ALDH8A1: variants seen among roughly 807,000 people sequenced by gnomAD.
ALDH8A1 encodes the protein 2-aminomuconic semialdehyde dehydrogenase.
ALDH8A1 carries 39 observed loss-of-function variants against 43.3 expected under a neutral mutation model. That is an observed-to-expected ratio of 0.90 (90% confidence interval 0.70 to 1.18). ALDH8A1 has a LOEUF of 1.18. Ranked by LOEUF, ALDH8A1 falls within the 50% of genes most tolerant of loss-of-function variation. The pLI is 0.00. For missense variants in ALDH8A1, 605 were observed against 622.6 expected (o/e 0.97, Z 0.30); for synonymous variants, 233 against 243.5 (o/e 0.96, Z 0.40).
chr6:134,932,636 G>T, intron 5 of ALDH8A1, 140 bp downstream of exon 5: 1 of 1,212,686 alleles, frequency 8.2e-7, no homozygotes, highest in Non-Finnish European at 1.1e-6. Context: ...AGAGTTAAGG[G>T]AATCACACAA....
intron 6 of ALDH8A1, among the ~76,000 whole-genome samples, chr6:134,926,124 A>G (rs1311093754): frequency 6.6e-6 from 1 of 152,122 alleles, no homozygotes; most frequent in Non-Finnish European, 1.5e-5. Context: ...ACCAGTGATG[A>G]AATAATTATG....
chr6:134,929,283 T>C, intron 5 of ALDH8A1, 68 bp from the exon 6 acceptor site: 1 of 1,541,722 alleles, frequency 6.5e-7, no homozygotes, highest in East Asian at 2.3e-5. Context: ...CCCTGCACTT[T>C]TGAGTACCTG....
At chr6:134,941,609 C>T (rs111944555) in intron 3 of ALDH8A1, among the ~76,000 whole-genome samples, 20,877 of 151,976 alleles carry the variant, frequency 0.14, 2,068 homozygotes, top group East Asian at 0.25. Flanking sequence ...AGGCTGGTCT[C>T]GAACTCCTGA....
At chr6:134,943,681 G>A (rs1773900425) in intron 2 of ALDH8A1, 138 bp downstream of exon 2, 6 of 1,325,260 alleles carry the variant, frequency 4.5e-6, no homozygotes, top group Non-Finnish European at 6.1e-6. Context: ...CAGGCCTGGA[G>A]CAGGGGAGGG....
chr6:134,925,296 T>C (rs984126395), intron 6 of ALDH8A1, among the ~76,000 whole-genome samples: 1 of 152,238 alleles, frequency 6.6e-6, no homozygotes, highest in South Asian at 2.1e-4. Context: ...TGTATGTGTC[T>C]ATATGGCCCC....
intron 3 of ALDH8A1, 169 bp downstream of exon 3, chr6:134,942,240 G>T: frequency 1.1e-6 from 1 of 883,500 alleles, no homozygotes; most frequent in Non-Finnish European, 1.6e-6. Flanking sequence ...CAGGGAATTT[G>T]ACACAAAGAA....
chr6:134,927,329 A>C (rs186002267), intron 6 of ALDH8A1, among the ~76,000 whole-genome samples: 2 of 151,898 alleles, frequency 1.3e-5, no homozygotes, highest in African/African-American at 2.4e-5. Flanking sequence ...GAAGAAGAAG[A>C]AGCCTCCTGT....
chr6:134,940,896 A>G (rs1773840933), intron 3 of ALDH8A1, among the ~76,000 whole-genome samples: 1 of 152,226 alleles, frequency 6.6e-6, no homozygotes, highest in Non-Finnish European at 1.5e-5. Context: ...GCTTTCCACA[A>G]TGCCTTGAAA....
At chr6:134,937,711 A>G (rs1773770049) in intron 4 of ALDH8A1, among the ~76,000 whole-genome samples, 2 of 152,208 alleles carry the variant, frequency 1.3e-5, no homozygotes, top group African/African-American at 4.8e-5. Flanking sequence ...ACTCTGGGGA[A>G]CCTGCAGTCA....
intron 6 of ALDH8A1, among the ~76,000 whole-genome samples, chr6:134,927,103 G>C (rs1410547470): frequency 6.6e-6 from 1 of 152,208 alleles, no homozygotes; most frequent in Non-Finnish European, 1.5e-5. Context: ...CAGAAGGACA[G>C]GAGAGCAGGT....
At chr6:134,924,081 G>A (rs1196471095) in intron 6 of ALDH8A1, among the ~76,000 whole-genome samples, 2 of 152,212 alleles carry the variant, frequency 1.3e-5, no homozygotes, top group African/African-American at 4.8e-5. Flanking sequence ...CTCCCTGCAT[G>A]TCTTAGTCCA....
rs1776724409 is a variant in ALDH8A1, at chr6:134,917,574, C to T, written c.*841G>A. 6.6e-6 allele frequency: 1 copy of T among 152,138 alleles called. No homozygotes were observed. 9.4% of individuals were successfully genotyped at this position (152,138 alleles called of 1,614,324 possible). On this transcript the variant is annotated 3_prime_UTR_variant, in exon 7 of 7. Transcript: ENST00000265605. ...AGTAGTTATTTTGTTTTTCTTCATCCTTGTACAGATACATTTAGTAGAGCT... is the reference window on the plus strand; with the variant it reads ...AGTAGTTATTTTGTTTTTCTTCATCTTTGTACAGATACATTTAGTAGAGCT...
intron 6 of ALDH8A1, among the ~76,000 whole-genome samples, chr6:134,921,539 C>T (rs896061235): frequency 6.6e-6 from 1 of 152,246 alleles, no homozygotes; most frequent in East Asian, 1.9e-4. Context: ...ATCATACCTC[C>T]GTTTAGGAGC....
chr6:134,924,183 A>G (rs1329951276), intron 6 of ALDH8A1, among the ~76,000 whole-genome samples: 1 of 152,182 alleles, frequency 6.6e-6, no homozygotes, highest in African/African-American at 2.4e-5. Flanking sequence ...ATCTTCAGAA[A>G]CTCAGAGAAG....
intron 4 of ALDH8A1, among the ~76,000 whole-genome samples, chr6:134,935,265 T>C (rs1773711062): frequency 6.6e-6 from 1 of 152,228 alleles, no homozygotes; most frequent in Non-Finnish European, 1.5e-5. Flanking sequence ...GACTCATCAC[T>C]GCTATCCGTG....
chr6:134,918,522 GCTCCCT>G lies in ALDH8A1; in HGVS notation c.1351_1356del (p.Arg451_Glu452del). The G allele has an allele frequency of 6.2e-7, 1 of 1,614,214 alleles. No individual in the cohort carries two copies. Among genetic ancestry groups the G allele is most frequent in the East Asian group, 2.2e-5 (1 of 44,890 alleles). ...TTCATCCCCCCGAAAGGAAGGTTCAGCTCCCTGATGAGCCAGCAGTTGGTCCAGACC... is the reference window on the plus strand; with the variant it reads ...TTCATCCCCCCGAAAGGAAGGTTCAGGATGAGCCAGCAGTTGGTCCAGACC... On this transcript the variant is annotated inframe_deletion, in exon 7 of 7. Transcript: ENST00000265605.
intron 1 of ALDH8A1, among the ~76,000 whole-genome samples, chr6:134,947,753 G>T (rs1773977325): frequency 6.6e-6 from 1 of 151,750 alleles, no homozygotes; most frequent in South Asian, 2.1e-4. Flanking sequence ...AAAAAAGGCT[G>T]GTGAAGCTGC....
chr6:134,940,235 T>A (rs1773830179), intron 3 of ALDH8A1: 2 of 349,586 alleles, frequency 5.7e-6, no homozygotes, highest in Admixed American at 3.6e-5. Context: ...CAAAAAAAAA[T>A]AAAAAATAAA....
chr6:134,932,099 T>C (rs1483537367), intron 5 of ALDH8A1, among the ~76,000 whole-genome samples: 1 of 152,222 alleles, frequency 6.6e-6, no homozygotes, highest in Admixed American at 6.5e-5. Flanking sequence ...TGGGCAGTAT[T>C]CTAAGCATTG....
Sources: gnomAD v4.1 joint callset for allele counts (sites outside exome capture counted in the v4.1 genomes callset) on GRCh38, gnomAD v4.1.1 for gene constraint, MANE v1.5 for transcripts, NCBI Gene and HGNC (gene_info 2026-07-23, HGNC 2026-07-21) for gene names.